The following ENTREP1 variants were observed in gnomAD, a reference collection of about 807,000 sequenced individuals.
ENTREP1 encodes the protein endosomal transmembrane epsin interactor 1, also known as Friedreich ataxia region gene X123.
At chr9:69,375,671 A>G in the ENTREP1 span, 3 of 1,313,418 alleles carry the variant, frequency 2.3e-6, no homozygotes, top group African/African-American at 2.9e-5. Flanking sequence ...TTGGTGCTCC[A>G]TGGTAGAGCC....
the ENTREP1 span, among the ~76,000 whole-genome samples, chr9:69,344,180 G>T: frequency 6.6e-6 from 1 of 152,162 alleles, no homozygotes; most frequent in Non-Finnish European, 1.5e-5. Flanking sequence ...GGCAAGAGGG[G>T]AGACCATTTT....
chr9:69,377,470 C>G, the ENTREP1 span: 2 of 1,613,336 alleles, frequency 1.2e-6, no homozygotes, highest in Non-Finnish European at 1.7e-6. Context: ...ACCAGGAGAT[C>G]CTGCATCGTA....
the ENTREP1 span, among the ~76,000 whole-genome samples, chr9:69,358,281 C>T: frequency 1.3e-5 from 2 of 152,182 alleles, no homozygotes; most frequent in African/African-American, 4.8e-5. Context: ...TTCATGCTTG[C>T]AGTGATAGTC....
chr9:69,358,821 A>G, the ENTREP1 span, among the ~76,000 whole-genome samples: 1 of 152,018 alleles, frequency 6.6e-6, no homozygotes, highest in South Asian at 2.1e-4. Context: ...GAAGCATCAC[A>G]TTTGTTGAAC....
At chr9:69,351,220 C>G in the ENTREP1 span, among the ~76,000 whole-genome samples, 1 of 152,122 alleles carries the variant, frequency 6.6e-6, no homozygotes, top group Non-Finnish European at 1.5e-5. Context: ...ACCCAGTAAT[C>G]TCTTCTGCCT....
chr9:69,355,835 C>T, the ENTREP1 span, among the ~76,000 whole-genome samples: 138 of 152,262 alleles, frequency 9.1e-4, no homozygotes, highest in African/African-American at 3.1e-3. Context: ...AGAGCGTGAA[C>T]ATGCGACCTC....
the ENTREP1 span, chr9:69,384,015 A>AG: frequency 3.1e-6 from 5 of 1,608,586 alleles, no homozygotes; most frequent in Non-Finnish European, 4.3e-6. Context: ...GCTGCACACA[A>AG]GTGACTCAAG....
chr9:69,388,226 C>G, the ENTREP1 span: 2 of 1,614,186 alleles, frequency 1.2e-6, no homozygotes, highest in Non-Finnish European at 1.7e-6. Flanking sequence ...TGCAGTGACT[C>G]TGAGGAGAGG....
chr9:69,335,529 G>T, the ENTREP1 span, among the ~76,000 whole-genome samples: 1 of 152,198 alleles, frequency 6.6e-6, no homozygotes, highest in Non-Finnish European at 1.5e-5. Flanking sequence ...TTGGTAGGAA[G>T]GTATGTGGTG....
chr9:69,377,800 T>C, the ENTREP1 span: 3 of 1,530,442 alleles, frequency 2.0e-6, no homozygotes, highest in Non-Finnish European at 2.7e-6. Flanking sequence ...TTCTGAAGAC[T>C]GAAGTGTCTC....
the ENTREP1 span, among the ~76,000 whole-genome samples, chr9:69,335,638 G>A: frequency 6.1e-3 from 925 of 152,256 alleles, 2 homozygotes; most frequent in Non-Finnish European, 0.01. Flanking sequence ...GTCCCATAAT[G>A]GATGGGTACC....
At chr9:69,368,265 C>G in the ENTREP1 span, among the ~76,000 whole-genome samples, 3 of 152,070 alleles carry the variant, frequency 2.0e-5, no homozygotes, top group Non-Finnish European at 2.9e-5. Context: ...GCATCCTTGT[C>G]TTGTTCCAGT....
the ENTREP1 span, among the ~76,000 whole-genome samples, chr9:69,333,651 G>A: frequency 6.6e-6 from 1 of 152,114 alleles, no homozygotes; most frequent in African/African-American, 2.4e-5. Context: ...AAGCTGAACC[G>A]CAGGGTTCTC....
chr9:69,347,414 C>G, the ENTREP1 span, among the ~76,000 whole-genome samples: 20 of 152,342 alleles, frequency 1.3e-4, no homozygotes, highest in South Asian at 2.7e-3. Context: ...CCCCACACCC[C>G]CTTCTATCAA....
At chr9:69,391,866 G>T in the ENTREP1 span, 2 of 1,472,926 alleles carry the variant, frequency 1.4e-6, no homozygotes. Flanking sequence ...CCATTTCTTG[G>T]CTGGGAGCTG....
chr9:69,340,707 ATG>A, the ENTREP1 span, among the ~76,000 whole-genome samples: 32 of 69,558 alleles, frequency 4.6e-4, 1 homozygote, highest in South Asian at 3.0e-3. Flanking sequence ...GTGTGTGTGT[ATG>A]TGTGTGTGCA....
chr9:69,373,627 G>A, the ENTREP1 span, among the ~76,000 whole-genome samples: 1 of 152,002 alleles, frequency 6.6e-6, no homozygotes, highest in Non-Finnish European at 1.5e-5. Context: ...GTTGTGGCTT[G>A]GGTTTTGACC....
chr9:69,333,880 TGCACACACATGC>T, the ENTREP1 span, among the ~76,000 whole-genome samples: 1 of 152,076 alleles, frequency 6.6e-6, no homozygotes, highest in Non-Finnish European at 1.5e-5. Context: ...CACACACATG[TGCACACACATGC>T]AAGCACATGC....
At chr9:69,367,203 A>T in the ENTREP1 span, among the ~76,000 whole-genome samples, 1 of 148,148 alleles carries the variant, frequency 6.8e-6, no homozygotes, top group Admixed American at 6.9e-5. Flanking sequence ...AGGTGCTGGG[A>T]TTACAGGTGT....
Sources: gnomAD v4.1 joint callset for allele counts (sites outside exome capture counted in the v4.1 genomes callset) on GRCh38, gnomAD v4.1.1 for gene constraint, MANE v1.5 for transcripts, NCBI Gene and HGNC (gene_info 2026-07-23, HGNC 2026-07-21) for gene names.